Variants in FGFR2 observed in about 807,000 individuals in gnomAD.
FGFR2 encodes the protein fibroblast growth factor receptor 2, also known as BEK fibroblast growth factor receptor.
A neutral mutation model predicts 95.9 loss-of-function variants in FGFR2; 19 were observed. That is an observed-to-expected ratio of 0.20 (90% CI 0.14 to 0.29). The LOEUF (loss-of-function observed/expected upper bound fraction) is 0.29, where lower values mean the gene tolerates loss of function less well. Among genes scored for constraint, FGFR2 ranks in the 10% least tolerant of loss-of-function variants. FGFR2 has a pLI of 1.00. For missense variants in FGFR2, 707 were observed against 1,056.9 expected, an observed-to-expected ratio of 0.67 and a Z score of 4.59; for synonymous variants, 392 against 393.3, an observed-to-expected ratio of 1.00 and a Z score of 0.04.
At chr10:121,590,295 CTTAA>C (rs1248734397) in intron 2 of FGFR2, among the ~76,000 whole-genome samples, 3 of 152,174 alleles carry the variant, frequency 2.0e-5, no homozygotes, top group South Asian at 2.1e-4. Flanking sequence ...TCAACAATGA[CTTAA>C]TTAACCAGAG....
chr10:121,547,400 CTTTTTTTTT>C (rs764591388), intron 5 of FGFR2, among the ~76,000 whole-genome samples: 1 of 139,416 alleles, frequency 7.2e-6, no homozygotes, highest in African/African-American at 2.6e-5. Context: ...CCTTTTTTTT[CTTTTTTTTT>C]TTTTTGACAG....
At position 121,491,765 on chromosome 10, in the gene FGFR2, G is replaced by A. The variant is rs990834718; in HGVS notation, c.1864-3652C>T. Reference sequence around the variant, plus strand: ...AGCGCCTGTAGTCCCAGCTACTTGGGAGGCTGAGGCAGGAGAATCGCTAGA... The same window carrying A: ...AGCGCCTGTAGTCCCAGCTACTTGGAAGGCTGAGGCAGGAGAATCGCTAGA... On this transcript the variant is annotated intron_variant, in intron 13 of 17. Coordinates refer to ENST00000358487, the MANE Select transcript of FGFR2 (RefSeq NM_000141.5). 2.6e-5 allele frequency among the ~76,000 whole-genome samples: 4 copies of A among 152,002 alleles called. No homozygotes were observed. In the East Asian group the frequency reaches 7.7e-4, roughly 29 times the overall value.
chr10:121,573,386 T>G (rs1859165279), intron 2 of FGFR2, among the ~76,000 whole-genome samples: 1 of 152,174 alleles, frequency 6.6e-6, no homozygotes. Context: ...ATCATCCTAG[T>G]TCCAAGGATG....
In FGFR2 at chr10:121,520,189, A is replaced by G; in HGVS notation, c.749-20T>C. The G allele has an allele frequency of 5.6e-6, 9 of 1,608,418 alleles. No homozygotes were observed. The highest frequency in any genetic ancestry group is 1.9e-4 in the Middle Eastern group (1 of 5,394). On this transcript the variant is annotated intron_variant, in intron 6 of 17. Transcript: ENST00000358487. ...ATCGCTCTGGTGGAGAGAGGGAAGA[A>G]AGGAGGAGTGGGGATGGGAGAATGA...
At chr10:121,513,750 T>C (rs1256033832) in intron 9 of FGFR2, among the ~76,000 whole-genome samples, 1 of 152,132 alleles carries the variant, frequency 6.6e-6, no homozygotes, top group Non-Finnish European at 1.5e-5. Flanking sequence ...TCCATGCTGT[T>C]AACACAATTT....
intron 11 of FGFR2, among the ~76,000 whole-genome samples, 167 bp from the exon 12 acceptor site, chr10:121,498,772 A>C (rs1214023140): frequency 2.6e-5 from 4 of 152,232 alleles, no homozygotes; most frequent in African/African-American, 9.6e-5. Context: ...ACAAAGGCCT[A>C]CACAGGGAAC....
chr10:121,580,400 CAG>C (rs921149830), intron 2 of FGFR2, among the ~76,000 whole-genome samples: 29 of 152,312 alleles, frequency 1.9e-4, no homozygotes, highest in African/African-American at 6.0e-4. Flanking sequence ...GACTGGGAAA[CAG>C]ATGGTCTTCC....
Position 121,554,573 on chromosome 10 carries a change from G to A in FGFR2, c.455-3114C>T, listed in dbSNP as rs533316836. 4.9e-4 allele frequency among the ~76,000 whole-genome samples: 72 copies of A among 146,288 alleles called. No individual in the cohort carries two copies. The South Asian group carries it at 8.0e-3, about 16-fold the overall frequency. On this transcript the variant is annotated intron_variant, in intron 4 of 17. Transcript: ENST00000358487. ...TCACCGTTTTAGCCAGGGTTTCACC[G>A]TTTTAGCCAGGATGGTCTGGATCTC...
At position 121,515,130 on chromosome 10, in the gene FGFR2, C is replaced by T. The variant is rs998662110; in HGVS notation, c.1274G>A (p.Arg425Gln). The change falls in exon 9 of 18, where the codon CGG becomes CAG. Residue 425 changes from arginine to glutamine, a missense_variant. By Grantham distance (43) the Arg-to-Gln change is conservative. This residue lies in a region of FGFR2 where 194 missense variants were observed against 267.3 expected (regional missense o/e 0.73). Transcript: ENST00000358487. ...TTATCTACTTTCTGTTACCTGTCTC[C>T]GCAGGGGGATACGTTTGGTCAGCTT... ...VHKLTKRIPLRRQVTVSAESS... is the reference protein window; with the variant it reads ...VHKLTKRIPLQRQVTVSAESS... The T allele has an allele frequency of 1.7e-5, 27 of 1,613,992 alleles. No homozygotes were observed. The highest frequency in any genetic ancestry group is 5.5e-5 in the South Asian group (5 of 91,076).
intron 4 of FGFR2, among the ~76,000 whole-genome samples, chr10:121,559,111 G>GAAAAAA (rs904279035): frequency 1.8e-5 from 1 of 55,226 alleles, no homozygotes; most frequent in Non-Finnish European, 4.0e-5. Flanking sequence ...TCCAAAAGGA[G>GAAAAAA]AAAAAAAAAA....
chr10:121,543,647 G>A (rs1854084707), intron 5 of FGFR2, among the ~76,000 whole-genome samples: 1 of 152,248 alleles, frequency 6.6e-6, no homozygotes, highest in South Asian at 2.1e-4. Flanking sequence ...GTCAAGGACA[G>A]AGGTACCTGC....
Position 121,487,098 on chromosome 10 carries a change from G to A in FGFR2, c.2057+256C>T, listed in dbSNP as rs2288336. On this transcript the variant is annotated intron_variant, in intron 15 of 17. Coordinates refer to ENST00000358487, the MANE Select transcript of FGFR2 (RefSeq NM_000141.5). ...TTTGTAGTTGCACATCCATGAATAT[G>A]TTCAAGGGAAGGACTTCCGCTCTGG... Among the ~76,000 whole-genome samples the A allele has an allele frequency of 0.47, 71,016 of 152,146 alleles. 18,493 individuals are homozygous for A. The highest frequency in any genetic ancestry group is 0.62 in the Admixed American group (9,468 of 15,290).
At chr10:121,487,504 G>T in intron 14 of FGFR2, 80 bp from the exon 15 acceptor site, 1 of 1,159,174 alleles carries the variant, frequency 8.6e-7, no homozygotes, top group Non-Finnish European at 1.3e-6. Context: ...GCTATGCCCT[G>T]TTTAAGAGCT....
At chr10:121,578,526 G>T (rs1316008281) in intron 2 of FGFR2, among the ~76,000 whole-genome samples, 2 of 152,250 alleles carry the variant, frequency 1.3e-5, no homozygotes, top group Admixed American at 6.5e-5. Flanking sequence ...GAGAGGGACT[G>T]GAGTAGGGAT....
chr10:121,537,611 G>A (rs566243513), intron 6 of FGFR2, among the ~76,000 whole-genome samples: 1 of 152,264 alleles, frequency 6.6e-6, no homozygotes, highest in Non-Finnish European at 1.5e-5. Context: ...CACAGTGGGT[G>A]GTGTGGGCTT....
intron 13 of FGFR2, among the ~76,000 whole-genome samples, chr10:121,490,021 C>T (rs1399503846): frequency 1.3e-5 from 2 of 152,228 alleles, no homozygotes; most frequent in Non-Finnish European, 2.9e-5. Context: ...TAACACCTGG[C>T]CTCAGCCTGA....
Position 121,479,574 on chromosome 10 carries a change from T to C in FGFR2, c.*283A>G, listed in dbSNP as rs1158139448. ...AAGGAAGGCAGAACGCACGTCCACC[T>C]TGAGTCCTACTGGTCCACAGCCAGT... On this transcript the variant is annotated 3_prime_UTR_variant, in exon 18 of 18. Coordinates refer to ENST00000358487, the MANE Select transcript of FGFR2 (RefSeq NM_000141.5). The C allele has an allele frequency of 6.5e-7, 1 of 1,545,408 alleles. No homozygotes were observed. The highest frequency in any genetic ancestry group is 8.7e-7 in the Non-Finnish European group (1 of 1,143,698).
intron 2 of FGFR2, among the ~76,000 whole-genome samples, chr10:121,572,439 G>A (rs1858957133): frequency 6.6e-6 from 1 of 152,092 alleles, no homozygotes; most frequent in Admixed American, 6.5e-5. Context: ...TCACCAACAT[G>A]GTGAAACCCA....
At position 121,478,585 on chromosome 10, in the gene FGFR2, G is replaced by C. The variant is rs545961397; in HGVS notation, c.*1272C>G. Reference sequence around the variant, plus strand: ...TTTTGTCTGATGTAGGTATGAGGCTGGATCTTTTGGTGAGGTCCTGCCAGA... The same window carrying C: ...TTTTGTCTGATGTAGGTATGAGGCTCGATCTTTTGGTGAGGTCCTGCCAGA... On this transcript the variant is annotated 3_prime_UTR_variant, in exon 18 of 18. Transcript: ENST00000358487. The C allele has an allele frequency of 1.5e-4, 35 of 233,252 alleles. 1 individual carries two copies. Among genetic ancestry groups the C allele is most frequent in the African/African-American group, 5.5e-4 (25 of 45,464 alleles). The allele number at this position is 233,252 out of a possible 1,614,324, so 14.4% of individuals were successfully genotyped here.
Sources: allele counts gnomAD v4.1 joint callset (sites outside exome capture counted in the v4.1 genomes callset), GRCh38; gene constraint gnomAD v4.1.1; regional missense constraint gnomAD v4.1.1; transcripts MANE v1.5; gene names NCBI Gene and HGNC (gene_info 2026-07-23, HGNC 2026-07-21).